The following SUSD6 variants were observed in gnomAD, a reference collection of about 807,000 sequenced individuals.
The protein encoded by SUSD6 is sushi domain containing 6.
In SUSD6, 16 loss-of-function variants were observed where a neutral mutation model predicts 28.4. That is an observed-to-expected ratio of 0.56 (90% CI 0.38 to 0.86). The LOEUF (loss-of-function observed/expected upper bound fraction) is 0.86. Among genes scored for constraint, SUSD6 ranks in the 40% least tolerant of loss-of-function variants. The probability of loss-of-function intolerance (pLI) is 0.00; values close to 1 mark genes in which losing one functional copy is unlikely to be tolerated. For missense variants in SUSD6, 341 were observed against 384.2 expected (o/e 0.89, Z 0.94); for synonymous variants, 147 against 159.6 (o/e 0.92, Z 0.59).
chr14:69,632,876 C>T (rs1233590999), intron 1 of SUSD6, among the ~76,000 whole-genome samples: 2 of 152,146 alleles, frequency 1.3e-5, no homozygotes, highest in African/African-American at 2.4e-5. Flanking sequence ...GTCAGTGACC[C>T]GCCCTCCCAG....
At chr14:69,693,785 C>T (rs1886185410) in intron 2 of SUSD6, among the ~76,000 whole-genome samples, 1 of 152,186 alleles carries the variant, frequency 6.6e-6, no homozygotes, top group South Asian at 2.1e-4. Context: ...AGAGCAGGCC[C>T]CTGGGTCAAA....
At chr14:69,644,222 A>G (rs1197487512) in intron 1 of SUSD6, among the ~76,000 whole-genome samples, 1 of 152,218 alleles carries the variant, frequency 6.6e-6, no homozygotes, top group Admixed American at 6.5e-5. Flanking sequence ...AGAAAGAAGC[A>G]TGTTAGGAAT....
chr14:69,617,325 A>G (rs547844085), intron 1 of SUSD6: 88 of 152,292 alleles, frequency 5.8e-4, no homozygotes, highest in Non-Finnish European at 1.0e-3. Context: ...ATCCATCCAT[A>G]TCTCTACTTT....
intron 1 of SUSD6, among the ~76,000 whole-genome samples, chr14:69,650,109 T>A (rs944650435): frequency 2.6e-5 from 4 of 152,184 alleles, no homozygotes; most frequent in Non-Finnish European, 5.9e-5. Flanking sequence ...TGTGGGAGGC[T>A]CACTTGTTTA....
At chr14:69,640,197 G>A (rs1885331766) in intron 1 of SUSD6, among the ~76,000 whole-genome samples, 1 of 151,836 alleles carries the variant, frequency 6.6e-6, no homozygotes, top group African/African-American at 2.4e-5. Context: ...AGCCCAGGGT[G>A]CTTAATGAGG....
At chr14:69,679,005 A>T (rs1008728619) in intron 2 of SUSD6, among the ~76,000 whole-genome samples, 3 of 152,186 alleles carry the variant, frequency 2.0e-5, no homozygotes, top group Non-Finnish European at 2.9e-5. Flanking sequence ...ACTACTACTG[A>T]TGTATAAGAA....
intron 1 of SUSD6, among the ~76,000 whole-genome samples, chr14:69,643,402 G>C (rs1320383119): frequency 6.6e-6 from 1 of 152,206 alleles, no homozygotes; most frequent in Non-Finnish European, 1.5e-5. Context: ...ATGTCCAAAA[G>C]AATAGTATAG....
At chr14:69,694,443 T>C (rs1296040927) in intron 2 of SUSD6, among the ~76,000 whole-genome samples, 3 of 152,156 alleles carry the variant, frequency 2.0e-5, no homozygotes, top group Admixed American at 2.0e-4. Flanking sequence ...CCCCAGGCCG[T>C]GAAGTCTCAG....
chr14:69,617,853 A>G (rs1884981427), intron 1 of SUSD6, among the ~76,000 whole-genome samples: 1 of 152,188 alleles, frequency 6.6e-6, no homozygotes, highest in Non-Finnish European at 1.5e-5. Flanking sequence ...CCAGCAAGGT[A>G]GGGAGGAGGG....
chr14:69,687,243 G>C (rs1216917704), intron 2 of SUSD6, among the ~76,000 whole-genome samples: 2 of 152,194 alleles, frequency 1.3e-5, no homozygotes, highest in Non-Finnish European at 2.9e-5. Context: ...CCGAAGTGCT[G>C]GGATTACAGG....
intron 1 of SUSD6, chr14:69,617,005 T>C (rs1478154239): frequency 1.3e-5 from 2 of 152,208 alleles, no homozygotes; most frequent in African/African-American, 2.4e-5. Flanking sequence ...GGTTTGCCTA[T>C]TTGGACATTT....
At chr14:69,655,582 A>G (rs1490878901) in intron 1 of SUSD6, among the ~76,000 whole-genome samples, 1 of 152,008 alleles carries the variant, frequency 6.6e-6, no homozygotes. Flanking sequence ...GTATCACTTG[A>G]GGCCAGAAGT....
Position 69,660,438 on chromosome 14 carries a change from G to T in SUSD6, c.121+1725G>T, listed in dbSNP as rs557732365. Among the ~76,000 whole-genome samples the T allele has an allele frequency of 2.0e-5, 3 of 152,280 alleles. No individual in the cohort carries two copies. In the East Asian group the frequency reaches 5.8e-4, roughly 29 times the overall value. ...ACAGCCCAGGGGGCCATGATGATTGGGACCCCACAATGTGGCCATCATGGT... is the reference window on the plus strand; with the variant it reads ...ACAGCCCAGGGGGCCATGATGATTGTGACCCCACAATGTGGCCATCATGGT... On this transcript the variant is annotated intron_variant, in intron 2 of 5. Coordinates refer to ENST00000342745, the MANE Select transcript of SUSD6 (RefSeq NM_014734.4).
chr14:69,654,790 GGT>G (rs34122510), intron 1 of SUSD6, among the ~76,000 whole-genome samples: 85,409 of 101,222 alleles, frequency 0.84, 36,754 homozygotes, highest in South Asian at 0.94. Flanking sequence ...TTTTTTTTTT[GGT>G]GTGTGTGTGT....
Position 69,713,247 on chromosome 14 carries a change from C to G in SUSD6, c.*2268C>G, listed in dbSNP as rs1171754321. 1.3e-5 allele frequency: 2 copies of G among 152,282 alleles called. No homozygotes were observed. Among genetic ancestry groups the G allele is most frequent in the African/African-American group, 4.8e-5 (2 of 41,456 alleles). The allele number at this position is 152,282 out of a possible 1,614,324, so 9.4% of individuals were successfully genotyped here. On this transcript the variant is annotated 3_prime_UTR_variant, in exon 6 of 6. Coordinates refer to ENST00000342745, the MANE Select transcript of SUSD6 (RefSeq NM_014734.4). The stretch of plus-strand genomic sequence containing the variant: ...ATCCCTGGTGAAATGAAAAGCCTTC[C>G]TTCTCCTGAAGCCTCTTTCCGCCCT...
intron 1 of SUSD6, among the ~76,000 whole-genome samples, chr14:69,655,886 C>T (rs540155650): frequency 2.6e-5 from 4 of 152,222 alleles, no homozygotes; most frequent in East Asian, 1.9e-4. Flanking sequence ...TCCCCTCACA[C>T]CCCACCAAAA....
chr14:69,623,423 A>G (rs1444044811), intron 1 of SUSD6, among the ~76,000 whole-genome samples: 1 of 152,230 alleles, frequency 6.6e-6, no homozygotes, highest in African/African-American at 2.4e-5. Context: ...AAGCTACAGC[A>G]TGGCCAGTTG....
At chr14:69,627,456 A>C (rs1885130384) in intron 1 of SUSD6, among the ~76,000 whole-genome samples, 1 of 152,188 alleles carries the variant, frequency 6.6e-6, no homozygotes, top group African/African-American at 2.4e-5. Flanking sequence ...CCTTATCAGA[A>C]ATTAAACAGA....
At chr14:69,614,273 G>C (rs1884926172) in intron 1 of SUSD6, among the ~76,000 whole-genome samples, 1 of 152,158 alleles carries the variant, frequency 6.6e-6, no homozygotes, top group African/African-American at 2.4e-5. Context: ...TACCATGTTG[G>C]CTAGGCTGGT....
Sources: gnomAD v4.1 joint callset for allele counts (sites outside exome capture counted in the v4.1 genomes callset) on GRCh38, gnomAD v4.1.1 for gene constraint, MANE v1.5 for transcripts, NCBI Gene and HGNC (gene_info 2026-07-23, HGNC 2026-07-21) for gene names.